The following RIMS2 variants were observed in gnomAD, a reference collection of about 807,000 sequenced individuals.
RIMS2 encodes regulating synaptic membrane exocytosis protein 2.
In RIMS2, 59 loss-of-function variants were observed where a neutral mutation model predicts 174.4. The ratio of observed to expected loss-of-function variants is 0.34; its 90% CI spans 0.27 to 0.42. The LOEUF (loss-of-function observed/expected upper bound fraction) is 0.42. RIMS2 is among the 10% of genes least tolerant of loss of function. RIMS2 has a pLI of 1.00. For missense variants in RIMS2, 1,620 were observed against 1,666.3 expected, an observed-to-expected ratio of 0.97 and a Z score of 0.48; for synonymous variants, 606 against 572.5, an observed-to-expected ratio of 1.06 and a Z score of -0.84.
chr8:103,637,921 T>G lies in RIMS2; in HGVS notation c.177-59165T>G, dbSNP rs1256643980. 2.6e-5 allele frequency among the ~76,000 whole-genome samples: 4 copies of G among 152,170 alleles called. No homozygotes were observed. The South Asian group carries it at 6.2e-4, about 24-fold the overall frequency. Reference sequence around the variant, plus strand: ...TACTTGTGAAGAATACTGGTGAAAGTTGTGAAAACAGAAAAAGAGTGTTCC... The same window carrying G: ...TACTTGTGAAGAATACTGGTGAAAGGTGTGAAAACAGAAAAAGAGTGTTCC... On this transcript the variant is annotated intron_variant, in intron 1 of 23. Transcript: ENST00000504942.
At chr8:103,680,733 T>C (rs1226670257) in intron 1 of RIMS2, among the ~76,000 whole-genome samples, 3 of 152,108 alleles carry the variant, frequency 2.0e-5, no homozygotes, top group Non-Finnish European at 4.4e-5. Context: ...GCAGTCAAAT[T>C]GACTGGATTT....
intron 17 of RIMS2, among the ~76,000 whole-genome samples, chr8:104,013,136 T>A (rs780722197): frequency 5.3e-5 from 8 of 152,152 alleles, no homozygotes; most frequent in Non-Finnish European, 1.0e-4. Context: ...ATAGAATAAT[T>A]CACATATTTC....
At chr8:103,844,891 T>C (rs1004688743) in intron 3 of RIMS2, among the ~76,000 whole-genome samples, 4 of 152,214 alleles carry the variant, frequency 2.6e-5, no homozygotes, top group African/African-American at 9.6e-5. Context: ...ATATTCAGTT[T>C]TTAAAGAGAA....
chr8:103,968,780 T>G (rs959536891), intron 15 of RIMS2, among the ~76,000 whole-genome samples: 12 of 152,128 alleles, frequency 7.9e-5, no homozygotes, highest in Non-Finnish European at 1.5e-4. Flanking sequence ...TGATTTTACC[T>G]TCATTTATTC....
At chr8:103,945,532 A>T (rs964123278) in intron 14 of RIMS2, among the ~76,000 whole-genome samples, 2 of 152,136 alleles carry the variant, frequency 1.3e-5, no homozygotes, top group African/African-American at 4.8e-5. Flanking sequence ...ACACACAGAC[A>T]TCTTCAACAA....
At chr8:103,802,137 G>A (rs994494014) in intron 3 of RIMS2, among the ~76,000 whole-genome samples, 1 of 152,024 alleles carries the variant, frequency 6.6e-6, no homozygotes, top group African/African-American at 2.4e-5. Context: ...AAGCTGTTGT[G>A]GAGAGAATTT....
intron 17 of RIMS2, among the ~76,000 whole-genome samples, chr8:103,994,154 T>C (rs1404631650): frequency 6.6e-6 from 1 of 152,120 alleles, no homozygotes; most frequent in Non-Finnish European, 1.5e-5. Context: ...TCTCCCATTT[T>C]TGCAGTTCTT....
intron 4 of RIMS2, among the ~76,000 whole-genome samples, chr8:103,907,849 T>TA (rs1054874775): frequency 6.9e-6 from 1 of 144,286 alleles, no homozygotes; most frequent in Non-Finnish European, 1.5e-5. Flanking sequence ...GGGTTCACGC[T>TA]ATTCTCCTGC....
chr8:103,511,851 A>G (rs532626447), intron 1 of RIMS2, among the ~76,000 whole-genome samples: 1 of 152,280 alleles, frequency 6.6e-6, no homozygotes, highest in East Asian at 1.9e-4. Flanking sequence ...GGGGTAAGGT[A>G]GAGTACCTAT....
chr8:104,050,543 A>G (rs1382540599), intron 19 of RIMS2, among the ~76,000 whole-genome samples: 1 of 152,178 alleles, frequency 6.6e-6, no homozygotes, highest in Non-Finnish European at 1.5e-5. Flanking sequence ...CAGGAAATAC[A>G]TCATACTAAA....
chr8:103,757,344 T>A (rs1034212814), intron 2 of RIMS2, among the ~76,000 whole-genome samples: 1 of 152,208 alleles, frequency 6.6e-6, no homozygotes, highest in African/African-American at 2.4e-5. Context: ...TTTATTTCTA[T>A]TTTAATTAAT....
At chr8:103,940,868 T>C in intron 13 of RIMS2, among the ~76,000 whole-genome samples, 1 of 127,960 alleles carries the variant, frequency 7.8e-6, no homozygotes, top group African/African-American at 3.0e-5. Flanking sequence ...AGAGTGAGAC[T>C]CCATCTCAAA....
chr8:103,655,561 TAATA>T (rs1325953948), intron 1 of RIMS2, among the ~76,000 whole-genome samples: 1 of 152,192 alleles, frequency 6.6e-6, no homozygotes, highest in East Asian at 1.9e-4. Context: ...TTGCTATGAT[TAATA>T]AATGTACTTT....
intron 1 of RIMS2, among the ~76,000 whole-genome samples, chr8:103,659,348 AG>A (rs1403812037): frequency 6.6e-6 from 1 of 152,266 alleles, no homozygotes; most frequent in East Asian, 1.9e-4. Flanking sequence ...GTACCAGAAT[AG>A]GGAAGAACAC....
At chr8:104,166,308 C>A (rs1183537328) in intron 19 of RIMS2, among the ~76,000 whole-genome samples, 12 of 151,732 alleles carry the variant, frequency 7.9e-5, no homozygotes, top group East Asian at 3.9e-4. Flanking sequence ...CCTCATGATC[C>A]GCCCGCCTCT....
chr8:103,889,809 T>C (rs535325372), intron 4 of RIMS2, among the ~76,000 whole-genome samples: 1 of 152,048 alleles, frequency 6.6e-6, no homozygotes, highest in Admixed American at 6.6e-5. Flanking sequence ...TGTCATTTCA[T>C]TCAGTATGTT....
intron 19 of RIMS2, among the ~76,000 whole-genome samples, chr8:104,130,696 A>G (rs2098467396): frequency 6.6e-6 from 1 of 152,150 alleles, no homozygotes; most frequent in Non-Finnish European, 1.5e-5. Flanking sequence ...GTTATTTCAA[A>G]GTTTTTCTGT....
intron 12 of RIMS2, among the ~76,000 whole-genome samples, chr8:103,931,675 A>G (rs148893071): frequency 3.5e-4 from 54 of 152,198 alleles, no homozygotes; most frequent in African/African-American, 1.3e-3. Context: ...TGCTTCCTAA[A>G]ATCAAATTTT....
At chr8:104,167,141 T>C (rs1425380925) in intron 19 of RIMS2, among the ~76,000 whole-genome samples, 1 of 152,244 alleles carries the variant, frequency 6.6e-6, no homozygotes, top group Non-Finnish European at 1.5e-5. Context: ...TACCCAGTAG[T>C]GGGATTGCTG....
Sources: allele counts gnomAD v4.1 joint callset (sites outside exome capture counted in the v4.1 genomes callset), GRCh38; gene constraint gnomAD v4.1.1; transcripts MANE v1.5; gene names NCBI Gene and HGNC (gene_info 2026-07-23, HGNC 2026-07-21).